Variants in AGBL4 observed in about 807,000 individuals in gnomAD.
AGBL4 encodes AGBL carboxypeptidase 4.
A neutral mutation model predicts 66.4 loss-of-function variants in AGBL4; 58 were observed. The observed-to-expected ratio is 0.87, with a 90% CI of 0.71 to 1.09. AGBL4 has a LOEUF of 1.09. AGBL4 is among the 50% of genes least tolerant of loss of function. The probability of loss-of-function intolerance (pLI) is 0.00; values close to 1 mark genes in which losing one functional copy is unlikely to be tolerated. For synonymous variants in AGBL4, 234 were observed against 222.9 expected (o/e 1.05, Z -0.44); for missense variants, 579 against 631.0 (o/e 0.92, Z 0.88).
rs1314865386 is a variant in AGBL4 at position 48,789,292 on chromosome 1, A to AT, written c.634+77898dup. On this transcript the variant is annotated intron_variant, in intron 6 of 13. Transcript: ENST00000371839. The stretch of plus-strand genomic sequence containing the variant: ...TTGCTGCGTGGATATATATATATAT[A>AT]TATTTTTTTTTTTTGAGACGGCATC... Among the ~76,000 whole-genome samples the AT allele has an allele frequency of 3.9e-3, 433 of 110,886 alleles. 3 individuals are homozygous for AT. In the East Asian group the frequency reaches 0.045, roughly 11 times the overall value. The allele number at this position is 110,886 out of a possible 152,430, so 72.7% of individuals were successfully genotyped here. A position where few individuals can be genotyped will look rare whatever the true frequency, so the allele number is the denominator to read the frequency against.
intron 2 of AGBL4, among the ~76,000 whole-genome samples, chr1:49,818,433 A>T (rs567994716): frequency 2.0e-5 from 3 of 149,898 alleles, no homozygotes; most frequent in African/African-American, 7.4e-5. Context: ...TGGCACCATC[A>T]TGACTCACTG....
intron 5 of AGBL4, among the ~76,000 whole-genome samples, chr1:48,899,338 A>G (rs1459111896): frequency 6.6e-6 from 1 of 152,250 alleles, no homozygotes; most frequent in Non-Finnish European, 1.5e-5. Flanking sequence ...GGAAAATGAA[A>G]TGAAGCAAAG....
At chr1:48,719,732 T>C (rs1193114985) in intron 6 of AGBL4, among the ~76,000 whole-genome samples, 2 of 152,226 alleles carry the variant, frequency 1.3e-5, no homozygotes, top group African/African-American at 4.8e-5. Context: ...CTAGGTATAG[T>C]TATAAGTGCA....
At chr1:49,601,010 A>G (rs894051745) in intron 3 of AGBL4, among the ~76,000 whole-genome samples, 4 of 152,250 alleles carry the variant, frequency 2.6e-5, no homozygotes, top group Admixed American at 2.0e-4. Context: ...TGTTAGTCTG[A>G]TGGGGTTCCT....
chr1:49,501,680 G>A (rs1343408897), intron 3 of AGBL4, among the ~76,000 whole-genome samples: 5 of 150,968 alleles, frequency 3.3e-5, no homozygotes, highest in African/African-American at 1.2e-4. Context: ...TCCTTTTCTA[G>A]TTCCTTGAGG....
At chr1:49,939,038 A>G (rs1466955659) in intron 1 of AGBL4, among the ~76,000 whole-genome samples, 1 of 152,082 alleles carries the variant, frequency 6.6e-6, no homozygotes, top group Non-Finnish European at 1.5e-5. Flanking sequence ...AAAAATCACA[A>G]GCATTCTTAT....
chr1:49,712,126 A>G (rs1647718201), intron 2 of AGBL4, among the ~76,000 whole-genome samples: 1 of 151,988 alleles, frequency 6.6e-6, no homozygotes, highest in African/African-American at 2.4e-5. Flanking sequence ...GTAGATATTA[A>G]ATTGAACATG....
chr1:49,112,927 C>G lies in AGBL4; in HGVS notation c.378-67127G>C, dbSNP rs143534517. ...GTGAATGCTGATACTTTGACCTTCT[C>G]TCATGAATCACAAATCTTCTTTTTA... On this transcript the variant is annotated intron_variant, in intron 4 of 13. Coordinates refer to ENST00000371839, the MANE Select transcript of AGBL4 (RefSeq NM_032785.4). 1.7e-3 allele frequency among the ~76,000 whole-genome samples: 259 copies of G among 151,976 alleles called. 1 individual carries two copies. Among genetic ancestry groups the G allele is most frequent in the African/African-American group, 5.8e-3 (242 of 41,480 alleles).
intron 3 of AGBL4, among the ~76,000 whole-genome samples, chr1:49,444,485 G>A (rs1198765286): frequency 6.6e-6 from 1 of 151,966 alleles, no homozygotes; most frequent in Non-Finnish European, 1.5e-5. Context: ...TTAAAGTGGA[G>A]ATATCTTCTT....
chr1:49,733,688 A>G (rs1184915354), intron 2 of AGBL4, among the ~76,000 whole-genome samples: 1 of 151,932 alleles, frequency 6.6e-6, no homozygotes. Context: ...GGTCATGAGG[A>G]CTCTGCCTTC....
At position 49,367,021 on chromosome 1, in the gene AGBL4, G is replaced by C. The variant is rs1432077210; in HGVS notation, c.283-121157C>G. Among the ~76,000 whole-genome samples, 6 of 152,294 alleles carry C rather than the reference G, an allele frequency of 3.9e-5. No homozygotes were observed. The South Asian group carries it at 8.3e-4, about 21-fold the overall frequency. On this transcript the variant is annotated intron_variant, in intron 3 of 13. Coordinates refer to ENST00000371839, the MANE Select transcript of AGBL4 (RefSeq NM_032785.4). ...TATACCTTTCTGAATGCTAGGCTTTGGCATGCATGATAACTTGCAATTTTC... is the reference window on the plus strand; with the variant it reads ...TATACCTTTCTGAATGCTAGGCTTTCGCATGCATGATAACTTGCAATTTTC...
chr1:49,309,611 C>T (rs774097444), intron 3 of AGBL4, among the ~76,000 whole-genome samples: 5 of 148,928 alleles, frequency 3.4e-5, no homozygotes, highest in South Asian at 2.2e-4. Flanking sequence ...ATTATAACAT[C>T]GTGTGTGTGT....
At chr1:48,760,247 G>A (rs1463072280) in intron 6 of AGBL4, among the ~76,000 whole-genome samples, 2 of 152,178 alleles carry the variant, frequency 1.3e-5, no homozygotes, top group Admixed American at 1.3e-4. Context: ...TTCTACTGAG[G>A]GGCAGTGAGA....
chr1:49,940,702 G>T (rs1311685336), intron 1 of AGBL4, among the ~76,000 whole-genome samples: 2 of 152,028 alleles, frequency 1.3e-5, no homozygotes, highest in African/African-American at 4.8e-5. Context: ...GGACTGTTGT[G>T]GGGTGGGGGT....
intron 3 of AGBL4, among the ~76,000 whole-genome samples, chr1:49,598,828 C>T (rs999592210): frequency 6.6e-6 from 1 of 152,216 alleles, no homozygotes; most frequent in Non-Finnish European, 1.5e-5. Context: ...TGAATTTTGT[C>T]GAAGGCCTTT....
chr1:49,236,655 A>C (rs1423324202), intron 4 of AGBL4, among the ~76,000 whole-genome samples: 4 of 152,200 alleles, frequency 2.6e-5, no homozygotes, highest in African/African-American at 9.6e-5. Context: ...ATCTTTTATT[A>C]GTATAGTACA....
chr1:49,863,615 G>T (rs550960990), intron 1 of AGBL4, among the ~76,000 whole-genome samples: 22 of 152,188 alleles, frequency 1.4e-4, no homozygotes, highest in African/African-American at 5.1e-4. Context: ...ATCAAAAGAT[G>T]GGCAAAGATT....
At chr1:48,735,672 AGAAAGGAAGCT>A (rs1648928682) in intron 6 of AGBL4, among the ~76,000 whole-genome samples, 1 of 152,066 alleles carries the variant, frequency 6.6e-6, no homozygotes, top group Admixed American at 6.5e-5. Context: ...GAAAGGAACC[AGAAAGGAAGCT>A]GAATCTAGTG....
intron 6 of AGBL4, among the ~76,000 whole-genome samples, chr1:48,685,130 T>C (rs1377540196): frequency 6.6e-6 from 1 of 152,240 alleles, no homozygotes; most frequent in African/African-American, 2.4e-5. Flanking sequence ...AGGAACTGTC[T>C]GGTAGGAATG....
Sources: gnomAD v4.1 joint callset for allele counts (sites outside exome capture counted in the v4.1 genomes callset) on GRCh38, gnomAD v4.1.1 for gene constraint, MANE v1.5 for transcripts, NCBI Gene and HGNC (gene_info 2026-07-23, HGNC 2026-07-21) for gene names.